The following PRELID2 variants were observed in gnomAD, a reference collection of about 807,000 sequenced individuals.
The protein encoded by PRELID2 is PRELI domain-containing protein 2.
A neutral mutation model predicts 28.4 loss-of-function variants in PRELID2; 25 were observed. The observed-to-expected ratio is 0.88, with a 90% CI of 0.64 to 1.23. PRELID2 has a LOEUF of 1.23. Among genes scored for constraint, PRELID2 ranks in the 50% most tolerant of loss-of-function variants. The pLI, the probability that PRELID2 is intolerant of heterozygous loss-of-function variation, is 0.00. For missense variants in PRELID2, 201 were observed against 214.4 expected (o/e 0.94, Z 0.39); for synonymous variants, 76 against 71.6 (o/e 1.06, Z -0.31).
chr5:145,806,835 G>A (rs1351092576), intron 4 of PRELID2, among the ~76,000 whole-genome samples: 1 of 152,134 alleles, frequency 6.6e-6, no homozygotes, highest in Non-Finnish European at 1.5e-5. Flanking sequence ...GCCACCTTGT[G>A]AAGAAGGTGC....
At chr5:145,518,610 T>C (rs1752539124) in intron 1 of PRELID2, among the ~76,000 whole-genome samples, 1 of 152,156 alleles carries the variant, frequency 6.6e-6, no homozygotes, top group Admixed American at 6.5e-5. Context: ...AGGCTAACAA[T>C]ATAGAGGATT....
At chr5:145,604,758 T>G (rs1055386510) in intron 1 of PRELID2, among the ~76,000 whole-genome samples, 1 of 147,966 alleles carries the variant, frequency 6.8e-6, no homozygotes, top group African/African-American at 2.5e-5. Flanking sequence ...GTTTTTTTTT[T>G]TTTTTTTTTT....
At chr5:145,366,529 G>C in the PRELID2 span, among the ~76,000 whole-genome samples, 4 of 151,912 alleles carry the variant, frequency 2.6e-5, no homozygotes, top group Non-Finnish European at 4.4e-5. Flanking sequence ...TAGAGGATTA[G>C]ACAGCTCCTG....
intron 5 of PRELID2, among the ~76,000 whole-genome samples, chr5:145,792,251 T>C (rs1752445239): frequency 6.6e-6 from 1 of 152,202 alleles, no homozygotes; most frequent in Non-Finnish European, 1.5e-5. Context: ...CATTTACTAA[T>C]TCTGTGACCT....
chr5:145,286,753 A>T, the PRELID2 span, among the ~76,000 whole-genome samples: 3 of 133,690 alleles, frequency 2.2e-5, no homozygotes, highest in Non-Finnish European at 4.6e-5. Flanking sequence ...ACGAAGTCTC[A>T]CTCTGTAGCC....
chr5:145,317,169 C>CT, the PRELID2 span, among the ~76,000 whole-genome samples: 2 of 152,156 alleles, frequency 1.3e-5, no homozygotes, highest in Non-Finnish European at 2.9e-5. Flanking sequence ...TTAATAGGTG[C>CT]TTTCAAGCAC....
the PRELID2 span, among the ~76,000 whole-genome samples, chr5:145,416,946 C>A: frequency 1.3e-4 from 19 of 151,900 alleles, no homozygotes; most frequent in Admixed American, 8.6e-4. Flanking sequence ...AAGTTAGTTA[C>A]ATCCTAGATA....
At chr5:145,352,469 C>G in the PRELID2 span, among the ~76,000 whole-genome samples, 1 of 152,144 alleles carries the variant, frequency 6.6e-6, no homozygotes, top group Non-Finnish European at 1.5e-5. Flanking sequence ...ACACCATGTC[C>G]CGAGGCCCCA....
At chr5:145,628,320 A>T (rs1216660224) in intron 1 of PRELID2, among the ~76,000 whole-genome samples, 2 of 151,996 alleles carry the variant, frequency 1.3e-5, no homozygotes, top group Admixed American at 1.3e-4. Flanking sequence ...TGAAAAATGC[A>T]TTCTTTTTTA....
chr5:145,346,147 G>A, the PRELID2 span, among the ~76,000 whole-genome samples: 1 of 152,062 alleles, frequency 6.6e-6, no homozygotes, highest in Non-Finnish European at 1.5e-5. Flanking sequence ...CATCTGTGAA[G>A]CAAAGGGATT....
At chr5:145,579,396 C>G (rs1753088880) in intron 1 of PRELID2, among the ~76,000 whole-genome samples, 1 of 152,088 alleles carries the variant, frequency 6.6e-6, no homozygotes, top group Non-Finnish European at 1.5e-5. Flanking sequence ...GTTATGTCAT[C>G]TTAGCTAATC....
the PRELID2 span, among the ~76,000 whole-genome samples, chr5:145,263,893 GCTGAATT>G: frequency 6.6e-6 from 1 of 150,590 alleles, no homozygotes; most frequent in Non-Finnish European, 1.5e-5. Flanking sequence ...CAGATTCACA[GCTGAATT>G]CTTTGTTTTT....
chr5:145,823,972 C>T (rs1306746730), intron 1 of PRELID2, among the ~76,000 whole-genome samples: 1 of 152,092 alleles, frequency 6.6e-6, no homozygotes, highest in Non-Finnish European at 1.5e-5. Flanking sequence ...AATTGTCCAG[C>T]TAATGAATAG....
chr5:145,620,418 A>G (rs1253404799), intron 1 of PRELID2, among the ~76,000 whole-genome samples: 1 of 152,212 alleles, frequency 6.6e-6, no homozygotes, highest in Non-Finnish European at 1.5e-5. Flanking sequence ...ATGATGATCC[A>G]TGTAGATTCA....
chr5:145,561,394 C>T (rs1374562599), intron 1 of PRELID2, among the ~76,000 whole-genome samples: 1 of 152,086 alleles, frequency 6.6e-6, no homozygotes, highest in Non-Finnish European at 1.5e-5. Flanking sequence ...CATTACATCC[C>T]CTAAGCACGG....
intron 1 of PRELID2, among the ~76,000 whole-genome samples, chr5:145,673,495 GAAAAA>G (rs756879054): frequency 4.5e-4 from 67 of 148,668 alleles, no homozygotes; most frequent in Admixed American, 1.4e-3. Flanking sequence ...GAAAAGAAAA[GAAAAA>G]AAGAAAGCAA....
chr5:145,334,481 T>G, the PRELID2 span, among the ~76,000 whole-genome samples: 1 of 152,236 alleles, frequency 6.6e-6, no homozygotes, highest in African/African-American at 2.4e-5. Flanking sequence ...TTGTATACTA[T>G]AGTTAAAAGT....
the PRELID2 span, among the ~76,000 whole-genome samples, chr5:145,333,916 C>T: frequency 2.6e-5 from 4 of 151,904 alleles, no homozygotes; most frequent in Non-Finnish European, 5.9e-5. Flanking sequence ...TTTGTAGGCA[C>T]CCAAGGGAAT....
intron 1 of PRELID2, among the ~76,000 whole-genome samples, chr5:145,742,351 T>G (rs1381660723): frequency 7.1e-6 from 1 of 140,946 alleles, no homozygotes; most frequent in Non-Finnish European, 1.5e-5. Context: ...GGCTACATCC[T>G]ACGCCAGAAA....
Sources: allele counts gnomAD v4.1 joint callset (sites outside exome capture counted in the v4.1 genomes callset), GRCh38; gene constraint gnomAD v4.1.1; transcripts MANE v1.5; gene names NCBI Gene and HGNC (gene_info 2026-07-23, HGNC 2026-07-21).